Variants in ITPRID1 observed in about 807,000 individuals in gnomAD.
ITPRID1 encodes the protein ITPR interacting domain containing 1.
Under a neutral mutation model 95.4 loss-of-function variants are expected in ITPRID1, and 96 were observed. The observed-to-expected ratio is 1.01, with a 90% CI of 0.85 to 1.19. The LOEUF is 1.19. ITPRID1 is among the 50% of genes most tolerant of loss of function. ITPRID1 has a pLI of 0.00. For missense variants in ITPRID1, 1,339 were observed against 1,252.9 expected (o/e 1.07, Z -1.04); for synonymous variants, 510 against 453.6 (o/e 1.12, Z -1.58).
At chr7:31,525,251 C>A in intron 1 of ITPRID1, among the ~76,000 whole-genome samples, 1 of 152,180 alleles carries the variant, frequency 6.6e-6, no homozygotes, top group East Asian at 1.9e-4. Flanking sequence ...TGCCACTGAG[C>A]ACTTGTGACT....
chr7:31,532,364 A>G (rs531360655), intron 1 of ITPRID1, among the ~76,000 whole-genome samples: 3 of 152,150 alleles, frequency 2.0e-5, no homozygotes, highest in Admixed American at 2.0e-4. Flanking sequence ...TGTTTTATTG[A>G]GCTAACTAGG....
intron 10 of ITPRID1, among the ~76,000 whole-genome samples, chr7:31,607,208 C>T: frequency 6.6e-6 from 1 of 152,098 alleles, no homozygotes; most frequent in Admixed American, 6.5e-5. Flanking sequence ...TTCTTAATGC[C>T]TGATGTACAG....
At chr7:31,532,156 T>A (rs1467311019) in intron 1 of ITPRID1, among the ~76,000 whole-genome samples, 1 of 152,198 alleles carries the variant, frequency 6.6e-6, no homozygotes, top group African/African-American at 2.4e-5. Context: ...TATTTTATTT[T>A]GTTGCATGTA....
intron 1 of ITPRID1, among the ~76,000 whole-genome samples, chr7:31,539,087 GA>G (rs1783850938): frequency 6.6e-6 from 1 of 152,166 alleles, no homozygotes; most frequent in Non-Finnish European, 1.5e-5. Flanking sequence ...TTCACCTACT[GA>G]AGGACATCTT....
intron 1 of ITPRID1, among the ~76,000 whole-genome samples, chr7:31,526,113 C>G (rs1001217238): frequency 2.0e-5 from 3 of 152,184 alleles, no homozygotes; most frequent in African/African-American, 7.2e-5. Context: ...GTTTGGTGAA[C>G]ATAAAACAAC....
intron 10 of ITPRID1, among the ~76,000 whole-genome samples, chr7:31,590,739 C>A (rs771860050): frequency 3.2e-4 from 49 of 152,288 alleles, no homozygotes; most frequent in Admixed American, 2.2e-3. Flanking sequence ...CAGTAAGAAG[C>A]CTGCAAGGAG....
chr7:31,536,046 T>C (rs1186693857), intron 1 of ITPRID1, among the ~76,000 whole-genome samples: 1 of 152,178 alleles, frequency 6.6e-6, no homozygotes, highest in African/African-American at 2.4e-5. Context: ...ATCAGGCTAT[T>C]ATGATTTGAA....
At chr7:31,641,666 T>C (rs374979810) in intron 10 of ITPRID1, among the ~76,000 whole-genome samples, 15 of 152,308 alleles carry the variant, frequency 9.8e-5, no homozygotes, top group African/African-American at 3.6e-4. Context: ...TCCCAGCCTC[T>C]TCTGGTGGCA....
chr7:31,633,022 G>A (rs12665906), intron 10 of ITPRID1, among the ~76,000 whole-genome samples: 1 of 152,076 alleles, frequency 6.6e-6, no homozygotes, highest in African/African-American at 2.4e-5. Context: ...GAGTAACTGG[G>A]ATTACAGGTG....
chr7:31,598,889 C>A (rs1249558735), intron 10 of ITPRID1, among the ~76,000 whole-genome samples: 2 of 152,046 alleles, frequency 1.3e-5, no homozygotes, highest in African/African-American at 4.8e-5. Flanking sequence ...AAATGATTGG[C>A]AAAATTTTTA....
intron 1 of ITPRID1, among the ~76,000 whole-genome samples, chr7:31,516,905 A>G (rs7780325): frequency 0.45 from 68,509 of 151,982 alleles, 15,638 homozygotes; most frequent in Middle Eastern, 0.62. Context: ...TGGTGTGTCC[A>G]GAGTTTGTCC....
intron 10 of ITPRID1, among the ~76,000 whole-genome samples, chr7:31,622,042 C>G (rs1787958585): frequency 7.0e-6 from 1 of 141,890 alleles, no homozygotes; most frequent in Non-Finnish European, 1.5e-5. Context: ...ATCAATTCAA[C>G]AAGAAGAGCT....
At chr7:31,650,281 A>G (rs1384493101) in intron 12 of ITPRID1, among the ~76,000 whole-genome samples, 1 of 152,166 alleles carries the variant, frequency 6.6e-6, no homozygotes, top group Non-Finnish European at 1.5e-5. Context: ...CAGCCTTTAG[A>G]TTTCTCAGTC....
chr7:31,633,363 C>G (rs1430135780), intron 10 of ITPRID1, among the ~76,000 whole-genome samples: 1 of 152,204 alleles, frequency 6.6e-6, no homozygotes, highest in Non-Finnish European at 1.5e-5. Context: ...GTATGATGCT[C>G]TCTGACCAGA....
At chr7:31,524,229 AG>A (rs1414202164) in intron 1 of ITPRID1, among the ~76,000 whole-genome samples, 1 of 152,184 alleles carries the variant, frequency 6.6e-6, no homozygotes, top group African/African-American at 2.4e-5. Context: ...TGGTAGAGAA[AG>A]GGGGAAAATC....
At chr7:31,563,593 G>A (rs1784696188) in intron 5 of ITPRID1, among the ~76,000 whole-genome samples, 1 of 152,176 alleles carries the variant, frequency 6.6e-6, no homozygotes, top group African/African-American at 2.4e-5. Flanking sequence ...GGGAGTTGAA[G>A]CAAGCATGTT....
intron 1 of ITPRID1, among the ~76,000 whole-genome samples, chr7:31,545,505 A>G (rs1033484695): frequency 1.3e-5 from 2 of 152,136 alleles, no homozygotes; most frequent in Admixed American, 6.6e-5. Flanking sequence ...GCAGTAGATG[A>G]ATCAGTTTAT....
chr7:31,611,277 C>G (rs1786857211), intron 10 of ITPRID1, among the ~76,000 whole-genome samples: 1 of 151,566 alleles, frequency 6.6e-6, no homozygotes, highest in Middle Eastern at 3.2e-3. Flanking sequence ...TTGTCATACA[C>G]ATTACATTTT....
At chr7:31,658,507 AG>A (rs1441257901), downstream of ITPRID1, 2 of 898,832 alleles carry the variant, frequency 2.2e-6, no homozygotes, top group African/African-American at 1.7e-5. Flanking sequence ...GAGAAGAAAA[AG>A]TTTTAGAGTG....
Sources: gnomAD v4.1 joint callset for allele counts (sites outside exome capture counted in the v4.1 genomes callset) on GRCh38, gnomAD v4.1.1 for gene constraint, MANE v1.5 for transcripts, NCBI Gene and HGNC (gene_info 2026-07-23, HGNC 2026-07-21) for gene names.